CPNE3: variants seen among roughly 807,000 people sequenced by gnomAD.
CPNE3 encodes copine-3.
A neutral mutation model predicts 63.9 loss-of-function variants in CPNE3; 68 were observed. The ratio of observed to expected loss-of-function variants is 1.06; its 90% confidence interval spans 0.87 to 1.30. The LOEUF (loss-of-function observed/expected upper bound fraction) is 1.30, where lower values mean the gene tolerates loss of function less well. CPNE3 is among the 50% of genes most tolerant of loss of function. The pLI, the probability that CPNE3 is intolerant of heterozygous loss-of-function variation, is 0.00. For missense variants in CPNE3, 665 were observed against 578.1 expected (o/e 1.15, Z -1.54); for synonymous variants, 219 against 197.5 (o/e 1.11, Z -0.91).
chr8:86,528,975 T>C lies in CPNE3; in HGVS notation c.163T>C (p.Leu55=). 1 of 1,613,688 alleles carries C rather than the reference T, an allele frequency of 6.2e-7. No individual in the cohort carries two copies. Among genetic ancestry groups the C allele is most frequent in the African/African-American group, 1.3e-5 (1 of 75,064 alleles). ...VERTERIKNC[L]NPQFSKTFII... is the part of the protein sequence containing the mutation. ...GCGCACAGAAAGGATTAAGAATTGC[T>C]TGAATCCCCAATTTTCCAAGACATT... Residue 55 remains leucine, a synonymous_variant, in exon 4 of 17, where the codon TTG becomes CTG. Transcript: ENST00000517490.
At chr8:86,537,111 A>G (rs1325779209) in intron 6 of CPNE3, among the ~76,000 whole-genome samples, 1 of 152,124 alleles carries the variant, frequency 6.6e-6, no homozygotes, top group Non-Finnish European at 1.5e-5. Flanking sequence ...AATTAATTAG[A>G]TATGTGATCT....
chr8:86,517,861 T>G (rs1476308455), intron 2 of CPNE3, among the ~76,000 whole-genome samples: 1 of 152,228 alleles, frequency 6.6e-6, no homozygotes, highest in Admixed American at 6.5e-5. Flanking sequence ...TCTATAATAT[T>G]TGTTCAATAA....
intron 2 of CPNE3, among the ~76,000 whole-genome samples, chr8:86,526,569 G>A (rs1820546150): frequency 6.6e-6 from 1 of 151,796 alleles, no homozygotes; most frequent in African/African-American, 2.4e-5. Flanking sequence ...TTGGAGTGCA[G>A]TGGCATGATC....
At chr8:86,537,191 TG>T (rs758087954) in intron 6 of CPNE3, among the ~76,000 whole-genome samples, 1 of 152,208 alleles carries the variant, frequency 6.6e-6, no homozygotes, top group African/African-American at 2.4e-5. Context: ...AGAGTTGGTA[TG>T]GCTAATGTTT....
chr8:86,525,307 A>T (rs548293252), intron 2 of CPNE3, among the ~76,000 whole-genome samples: 4 of 152,330 alleles, frequency 2.6e-5, no homozygotes, highest in Admixed American at 1.3e-4. Context: ...TTTGTGGATA[A>T]AGTATACTAT....
intron 6 of CPNE3, among the ~76,000 whole-genome samples, chr8:86,537,350 A>T (rs931883559): frequency 1.3e-5 from 2 of 152,216 alleles, no homozygotes; most frequent in Non-Finnish European, 2.9e-5. Flanking sequence ...GATATACAGG[A>T]TTATGAGCAT....
intron 15 of CPNE3, among the ~76,000 whole-genome samples, chr8:86,555,805 AG>A (rs1245763145): frequency 6.6e-6 from 1 of 152,182 alleles, no homozygotes; most frequent in African/African-American, 2.4e-5. Flanking sequence ...TTAATACTTG[AG>A]TTAAAACTGT....
intron 14 of CPNE3, 52 bp downstream of exon 14, chr8:86,551,286 T>C: frequency 8.3e-7 from 1 of 1,205,388 alleles, no homozygotes; most frequent in Non-Finnish European, 1.2e-6. Flanking sequence ...TCACTAGTCT[T>C]TGTTATTTTG....
intron 11 of CPNE3, 102 bp from the exon 12 acceptor site, chr8:86,548,199 C>T: frequency 1.6e-6 from 2 of 1,237,750 alleles, no homozygotes; most frequent in Non-Finnish European, 2.3e-6. Flanking sequence ...GAAGTAGGCG[C>T]CAGGATGCAT....
intron 2 of CPNE3, among the ~76,000 whole-genome samples, chr8:86,518,477 T>C (rs1297624545): frequency 6.6e-6 from 1 of 152,204 alleles, no homozygotes; most frequent in Non-Finnish European, 1.5e-5. Context: ...CTTGGGATTT[T>C]CAGCTAGGGG....
In CPNE3 at chr8:86,529,061, C is replaced by T. The variant is rs1184182509; in HGVS notation, c.249C>T (p.Asp83=). 5.7e-5 allele frequency: 92 copies of T among 1,613,830 alleles called. No homozygotes were observed. Among genetic ancestry groups the T allele is most frequent in the Non-Finnish European group, 7.5e-5 (88 of 1,179,966 alleles). ...QKLKFGVYDI[D]NKTIELSDDD... is the part of the protein sequence containing the mutation. ...TGAAATTTGGGGTTTATGACATCGA[C>T]AACAAAACTATTGAGCTGAGTGATG... The change falls in exon 4 of 17, where the codon GAC becomes GAT. Residue 83 remains aspartate, a synonymous_variant. Transcript: ENST00000517490.
At chr8:86,522,423 G>A (rs1001123720) in intron 2 of CPNE3, among the ~76,000 whole-genome samples, 1 of 151,980 alleles carries the variant, frequency 6.6e-6, no homozygotes, top group African/African-American at 2.4e-5. Context: ...TAATGTCCCT[G>A]CTGTCCTTAG....
chr8:86,553,749 GTTTTT>G (rs35185836), intron 14 of CPNE3, among the ~76,000 whole-genome samples: 1 of 137,724 alleles, frequency 7.3e-6, no homozygotes, highest in Admixed American at 7.3e-5. Flanking sequence ...TTTACATTAA[GTTTTT>G]TTTTTTTTTT....
intron 12 of CPNE3, 47 bp from the exon 13 acceptor site, chr8:86,550,999 T>G: frequency 6.7e-7 from 1 of 1,500,174 alleles, no homozygotes. Flanking sequence ...ATAAAGCTTT[T>G]TATTTTGGAA....
chr8:86,537,966 G>C lies in CPNE3; in HGVS notation c.543+320G>C, dbSNP rs201903405. Among the ~76,000 whole-genome samples, 462 of 142,994 alleles carry C rather than the reference G, an allele frequency of 3.2e-3. 2 individuals carry two copies. The highest frequency in any genetic ancestry group is 0.011 in the African/African-American group (441 of 39,938). 93.8% of individuals were successfully genotyped at this position (142,994 alleles called of 152,430 possible). ...TCTTTCTCTATCTCTGTCCCTCTCT[G>C]TCTCTCTCTCTCTCTCTCTCTCACA... On this transcript the variant is annotated intron_variant, in intron 7 of 16. Transcript: ENST00000517490.
At chr8:86,535,320 CTTTTTT>C (rs59696136) in intron 6 of CPNE3, among the ~76,000 whole-genome samples, 1 of 142,784 alleles carries the variant, frequency 7.0e-6, no homozygotes, top group South Asian at 2.2e-4. Context: ...ACAGAAAAGA[CTTTTTT>C]TTTTTTTTAA....
chr8:86,550,356 C>T (rs1004950946), intron 12 of CPNE3, among the ~76,000 whole-genome samples: 1 of 152,178 alleles, frequency 6.6e-6, no homozygotes, highest in Non-Finnish European at 1.5e-5. Flanking sequence ...CCAAGCAATC[C>T]TCCCACCTCA....
chr8:86,550,983 G>T, intron 12 of CPNE3, 63 bp from the exon 13 acceptor site: 1 of 1,453,880 alleles, frequency 6.9e-7, no homozygotes, highest in Non-Finnish European at 9.1e-7. Flanking sequence ...TTTATTGTGG[G>T]CAAAGATAAA....
chr8:86,523,084 A>T (rs187388344), intron 2 of CPNE3, among the ~76,000 whole-genome samples: 33 of 152,362 alleles, frequency 2.2e-4, no homozygotes, highest in Admixed American at 1.4e-3. Flanking sequence ...GAGACAATCA[A>T]TTAAAATCCC....
Sources: gnomAD v4.1 joint callset for allele counts (sites outside exome capture counted in the v4.1 genomes callset) on GRCh38, gnomAD v4.1.1 for gene constraint, MANE v1.5 for transcripts, NCBI Gene and HGNC (gene_info 2026-07-23, HGNC 2026-07-21) for gene names.